CDH12: variants seen among roughly 807,000 people sequenced by gnomAD.
CDH12 encodes cadherin 12, also known as cadherin-12.
A neutral mutation model predicts 74.1 loss-of-function variants in CDH12; 41 were observed. The ratio of observed to expected loss-of-function variants is 0.55; its 90% CI spans 0.43 to 0.72. The LOEUF (loss-of-function observed/expected upper bound fraction) is 0.72, where lower values mean the gene tolerates loss of function less well. Ranked by LOEUF, CDH12 falls within the 30% of genes least tolerant of loss-of-function variation. The pLI is 0.00. For missense variants in CDH12, 945 were observed against 977.2 expected, an observed-to-expected ratio of 0.97 and a Z score of 0.44; for synonymous variants, 399 against 355.0, an observed-to-expected ratio of 1.12 and a Z score of -1.39.
intron 1 of CDH12, among the ~76,000 whole-genome samples, chr5:22,712,030 A>G (rs1743315386): frequency 6.6e-6 from 1 of 152,048 alleles, no homozygotes; most frequent in African/African-American, 2.4e-5. Context: ...ATGTTTATGC[A>G]CATGTCTATT....
chr5:22,009,278 C>T (rs1396867605), intron 5 of CDH12, among the ~76,000 whole-genome samples: 3 of 152,176 alleles, frequency 2.0e-5, no homozygotes, highest in African/African-American at 7.2e-5. Context: ...ATGTGCACTC[C>T]TCTGACTTTG....
At chr5:22,604,617 T>C (rs1239628517) in intron 1 of CDH12, among the ~76,000 whole-genome samples, 2 of 152,206 alleles carry the variant, frequency 1.3e-5, no homozygotes, top group East Asian at 3.9e-4. Context: ...TCAGTGAAAA[T>C]ATTGCATCTA....
At chr5:22,719,177 G>A (rs545139023) in intron 1 of CDH12, among the ~76,000 whole-genome samples, 5 of 152,228 alleles carry the variant, frequency 3.3e-5, no homozygotes, top group South Asian at 2.1e-4. Flanking sequence ...GGCTTAAGTC[G>A]TTGTGGACAC....
intron 1 of CDH12, among the ~76,000 whole-genome samples, chr5:22,534,774 C>T (rs2126709349): frequency 6.6e-6 from 1 of 151,028 alleles, no homozygotes; most frequent in Middle Eastern, 3.4e-3. Context: ...TGAATCATTG[C>T]TGTTTTAAGA....
chr5:22,755,362 A>C (rs959850011), intron 1 of CDH12, among the ~76,000 whole-genome samples: 1 of 152,142 alleles, frequency 6.6e-6, no homozygotes, highest in Non-Finnish European at 1.5e-5. Context: ...GATGGGTCAC[A>C]TGAACTTGTC....
chr5:22,479,873 A>G (rs1746315548), intron 2 of CDH12, among the ~76,000 whole-genome samples: 1 of 152,206 alleles, frequency 6.6e-6, no homozygotes, highest in South Asian at 2.1e-4. Context: ...GAAGCCAAAG[A>G]CAAACAAATC....
intron 2 of CDH12, among the ~76,000 whole-genome samples, chr5:22,448,567 G>A (rs1465225075): frequency 6.6e-6 from 1 of 151,994 alleles, no homozygotes; most frequent in Admixed American, 6.6e-5. Context: ...TTCATTATCT[G>A]TTTGCCTAAA....
intron 3 of CDH12, among the ~76,000 whole-genome samples, chr5:22,258,380 T>C (rs1197447741): frequency 3.3e-5 from 5 of 151,828 alleles, no homozygotes; most frequent in Non-Finnish European, 4.4e-5. Flanking sequence ...GTTCAGAGAG[T>C]CTGAGTGCCT....
intron 3 of CDH12, among the ~76,000 whole-genome samples, chr5:22,213,083 A>T (rs1751634205): frequency 6.6e-6 from 1 of 152,182 alleles, no homozygotes; most frequent in African/African-American, 2.4e-5. Flanking sequence ...CTGATTTGTA[A>T]GACAAGCTTA....
intron 6 of CDH12, among the ~76,000 whole-genome samples, chr5:21,934,227 C>T (rs769391927): frequency 2.6e-5 from 4 of 152,140 alleles, no homozygotes; most frequent in Non-Finnish European, 5.9e-5. Flanking sequence ...CCTGGTGAGA[C>T]GTGATTGGAT....
At chr5:22,148,869 C>T (rs1747384817) in intron 4 of CDH12, among the ~76,000 whole-genome samples, 1 of 152,164 alleles carries the variant, frequency 6.6e-6, no homozygotes. Context: ...GCCTGTAATC[C>T]CAGCACTTTG....
At position 22,156,602 on chromosome 5, in the gene CDH12, G is replaced by A. The variant is rs561506486; in HGVS notation, c.-187+55896C>T. 2.6e-3 allele frequency among the ~76,000 whole-genome samples: 389 copies of A among 152,188 alleles called. 7 individuals are homozygous for A. Among genetic ancestry groups the A allele is most frequent in the African/African-American group, 9.0e-3 (373 of 41,544 alleles). ...ATTTAGCTAAAGAAGGAAGGTGACT[G>A]AAAAATACAGTTTTTACATAAGATA... is the stretch of plus-strand genomic sequence containing the variant. On this transcript the variant is annotated intron_variant, in intron 4 of 14. Transcript: ENST00000382254.
At chr5:22,391,986 A>T (rs1259388348) in intron 3 of CDH12, among the ~76,000 whole-genome samples, 1 of 152,194 alleles carries the variant, frequency 6.6e-6, no homozygotes, top group Non-Finnish European at 1.5e-5. Flanking sequence ...GGCACCAAAG[A>T]GGTAAGGGAT....
At chr5:22,519,477 C>A (rs1199617971) in intron 1 of CDH12, among the ~76,000 whole-genome samples, 1 of 146,624 alleles carries the variant, frequency 6.8e-6, no homozygotes, top group Non-Finnish European at 1.5e-5. Flanking sequence ...AGGCTGGAGT[C>A]TAGTGGTGCA....
intron 1 of CDH12, among the ~76,000 whole-genome samples, chr5:22,795,173 A>G (rs1171870565): frequency 2.0e-5 from 3 of 152,140 alleles, no homozygotes. Flanking sequence ...AAAGACCTTG[A>G]AGCTAAACAA....
At chr5:22,778,375 T>C (rs899765538) in intron 1 of CDH12, among the ~76,000 whole-genome samples, 1 of 152,156 alleles carries the variant, frequency 6.6e-6, no homozygotes, top group Admixed American at 6.6e-5. Context: ...AAAGAAAATC[T>C]ACATTTGCTA....
At chr5:22,489,690 CTTTTTT>C (rs753962922) in intron 2 of CDH12, among the ~76,000 whole-genome samples, 2 of 120,638 alleles carry the variant, frequency 1.7e-5, no homozygotes, top group South Asian at 5.4e-4. Context: ...TGCAGTGTAA[CTTTTTT>C]TTTTTTTTTT....
At chr5:22,407,993 T>C (rs1743010176) in intron 2 of CDH12, among the ~76,000 whole-genome samples, 1 of 151,994 alleles carries the variant, frequency 6.6e-6, no homozygotes, top group Admixed American at 6.6e-5. Context: ...TTTGGGATGG[T>C]ACATAGTAAG....
chr5:22,264,212 A>C (rs2150395886), intron 3 of CDH12, among the ~76,000 whole-genome samples: 1 of 152,010 alleles, frequency 6.6e-6, no homozygotes, highest in South Asian at 2.1e-4. Context: ...GGTTTTTTTT[A>C]CTGAATACAA....
Sources: gnomAD v4.1 joint callset for allele counts (sites outside exome capture counted in the v4.1 genomes callset) on GRCh38, gnomAD v4.1.1 for gene constraint, MANE v1.5 for transcripts, NCBI Gene and HGNC (gene_info 2026-07-23, HGNC 2026-07-21) for gene names.